ITGA2: variants seen among roughly 807,000 people sequenced by gnomAD.
ITGA2 encodes integrin alpha-2.
In ITGA2, 101 loss-of-function variants were observed where a neutral mutation model predicts 146.3. The observed-to-expected ratio is 0.69, with a 90% confidence interval of 0.59 to 0.81. ITGA2 has a LOEUF of 0.81. Among genes scored for constraint, ITGA2 ranks in the 40% least tolerant of loss-of-function variants. The pLI is 0.00. For synonymous variants in ITGA2, 477 were observed against 487.1 expected, an observed-to-expected ratio of 0.98 and a Z score of 0.27; for missense variants, 1,281 against 1,402.7, an observed-to-expected ratio of 0.91 and a Z score of 1.39.
chr5:53,090,023 A>T lies in ITGA2; in HGVS notation c.3426A>T (p.Gly1142=). ...TTATAATAGGAAGTATAATTGCTGG[A>T]ATCCTTTTGCTGTTAGCTCTGGTTG... ...TGVIIGSIIA[G]ILLLLALVAI... is the part of the protein sequence containing the mutation. The change falls in exon 29 of 30, where the codon GGA becomes GGT. Residue 1142 remains glycine, a synonymous_variant. Transcript: ENST00000296585. 1 of 1,613,266 alleles carries T rather than the reference A, an allele frequency of 6.2e-7. No homozygotes were observed. The highest frequency in any genetic ancestry group is 8.5e-7 in the Non-Finnish European group (1 of 1,179,234).
chr5:53,069,000 T>C (rs1317600839), intron 16 of ITGA2, among the ~76,000 whole-genome samples: 1 of 151,978 alleles, frequency 6.6e-6, no homozygotes, highest in Non-Finnish European at 1.5e-5. Context: ...TAATATTTTA[T>C]CTATCTTTGT....
At chr5:53,057,848 T>A (rs529660124) in intron 9 of ITGA2, among the ~76,000 whole-genome samples, 177 bp from the exon 10 acceptor site, 1 of 151,934 alleles carries the variant, frequency 6.6e-6, no homozygotes, top group South Asian at 2.1e-4. Flanking sequence ...TAGAACACTT[T>A]CTTAGTAATT....
At chr5:53,039,938 C>T (rs1483140353) in intron 2 of ITGA2, among the ~76,000 whole-genome samples, 5 of 151,806 alleles carry the variant, frequency 3.3e-5, no homozygotes, top group Non-Finnish European at 2.9e-5. Context: ...TGTACCTTTC[C>T]TCTCTAGTGA....
At chr5:53,013,762 G>A (rs1237952463) in intron 1 of ITGA2, among the ~76,000 whole-genome samples, 5 of 152,036 alleles carry the variant, frequency 3.3e-5, no homozygotes, top group East Asian at 1.9e-4. Flanking sequence ...CCATTTGTTT[G>A]TATCATCTAG....
chr5:53,003,056 T>C (rs961142799), intron 1 of ITGA2, among the ~76,000 whole-genome samples: 1 of 152,228 alleles, frequency 6.6e-6, no homozygotes. Context: ...TTGAAGTGAC[T>C]AAAGACCATG....
At chr5:53,059,784 AAAC>A in intron 10 of ITGA2, 87 bp from the exon 11 acceptor site, 1 of 1,167,894 alleles carries the variant, frequency 8.6e-7, no homozygotes, top group Non-Finnish European at 1.3e-6. Context: ...TAATAAATCT[AAAC>A]AACTTATTTC....
intron 12 of ITGA2, 133 bp downstream of exon 12, chr5:53,061,179 T>A: frequency 4.7e-6 from 4 of 856,650 alleles, no homozygotes; most frequent in Non-Finnish European, 7.8e-6. Flanking sequence ...CTGAGTTTAC[T>A]TAGTGTATTC....
intron 5 of ITGA2, 63 bp downstream of exon 5, chr5:53,048,540 T>TA: frequency 6.2e-7 from 1 of 1,606,754 alleles, no homozygotes; most frequent in Non-Finnish European, 8.5e-7. Context: ...GGGAAAAGGT[T>TA]ATCAACTAGT....
At chr5:53,011,827 T>C (rs1742146731) in intron 1 of ITGA2, among the ~76,000 whole-genome samples, 1 of 151,960 alleles carries the variant, frequency 6.6e-6, no homozygotes, top group Non-Finnish European at 1.5e-5. Flanking sequence ...TTAGAACCAG[T>C]CAGAGCTAGA....
intron 29 of ITGA2, 32 bp from the exon 30 acceptor site, chr5:53,090,487 G>T (rs202194650): frequency 1.5e-4 from 236 of 1,598,102 alleles, no homozygotes; most frequent in Non-Finnish European, 1.9e-4. Flanking sequence ...TAAGCCACGG[G>T]TGGTAACATT....
At position 53,056,045 on chromosome 5, in the gene ITGA2, C is replaced by T. The variant is rs201919745; in HGVS notation, c.992C>T (p.Ala331Val). The T allele has an allele frequency of 3.8e-5, 61 of 1,610,078 alleles. No homozygotes were observed. The highest frequency in any genetic ancestry group is 4.9e-5 in the Non-Finnish European group (58 of 1,177,818). ...DTKNLIKEIKAIASIPTERYF... is the reference protein window; with the variant it reads ...DTKNLIKEIKVIASIPTERYF... ...AAAAATTTAATAAAAGAAATAAAAG[C>T]AATCGCTAGTATTCCAACAGAAAGA... The change falls in exon 9 of 30, where the codon GCA becomes GTA. Residue 331 changes from alanine (A) to valine (V), a missense_variant. Physicochemically the swap from Ala to Val is moderately conservative, Grantham distance 64 (BLOSUM62 0). Coordinates refer to ENST00000296585, the MANE Select transcript of ITGA2 (RefSeq NM_002203.4).
chr5:53,060,757 G>T, intron 11 of ITGA2, 144 bp from the exon 12 acceptor site: 1 of 776,770 alleles, frequency 1.3e-6, no homozygotes, highest in East Asian at 2.6e-5. Context: ...AGGAAGACAT[G>T]TCCTCAGTGA....
At chr5:53,020,328 CA>C (rs1171932167) in intron 1 of ITGA2, among the ~76,000 whole-genome samples, 1 of 152,136 alleles carries the variant, frequency 6.6e-6, no homozygotes. Flanking sequence ...AGACTTATTA[CA>C]AACATAGAGT....
chr5:53,001,570 G>A (rs1390400942), intron 1 of ITGA2, among the ~76,000 whole-genome samples: 1 of 152,100 alleles, frequency 6.6e-6, no homozygotes, highest in East Asian at 1.9e-4. Context: ...AAGACAAAAA[G>A]TGATTCAACT....
At chr5:53,065,157 C>T (rs1445730391) in intron 14 of ITGA2, 42 bp downstream of exon 14, 3 of 1,570,852 alleles carry the variant, frequency 1.9e-6, no homozygotes, top group Admixed American at 1.7e-5. Flanking sequence ...ATTTGTGGGT[C>T]TTATCATATT....
At chr5:53,081,496 A>T (rs1168285982) in intron 25 of ITGA2, 96 bp from the exon 26 acceptor site, 1 of 928,528 alleles carries the variant, frequency 1.1e-6, no homozygotes, top group East Asian at 2.6e-5. Flanking sequence ...CCCTTCCCAG[A>T]CCCCTACAAG....
rs140384768 is a variant in ITGA2, at chr5:53,024,269, G to A, written c.65-2479G>A. ...AGGCAGACATAAGCATTAAGAAACA[G>A]TAAGATGCGAGTTGGAATAAACATT... On this transcript the variant is annotated intron_variant, in intron 1 of 29. Transcript: ENST00000296585. Among the ~76,000 whole-genome samples the A allele has an allele frequency of 1.3e-4, 20 of 152,268 alleles. No homozygotes were observed. The East Asian group carries it at 3.7e-3, about 28-fold the overall frequency.
chr5:53,036,901 G>A (rs922486217), intron 2 of ITGA2, among the ~76,000 whole-genome samples: 3 of 152,052 alleles, frequency 2.0e-5, no homozygotes. Flanking sequence ...GTCCCCTGGG[G>A]TTGTGTACCA....
chr5:53,071,075 A>G (rs3212576), intron 17 of ITGA2, among the ~76,000 whole-genome samples: 21,150 of 151,918 alleles, frequency 0.14, 1,678 homozygotes, highest in Non-Finnish European at 0.18. Flanking sequence ...ATGTAAATGG[A>G]TGGTACAGAG....
Sources: allele counts gnomAD v4.1 joint callset (sites outside exome capture counted in the v4.1 genomes callset), GRCh38; gene constraint gnomAD v4.1.1; transcripts MANE v1.5; gene names NCBI Gene and HGNC (gene_info 2026-07-23, HGNC 2026-07-21).